TRPC4AP: variants seen among roughly 807,000 people sequenced by gnomAD.
TRPC4AP encodes the protein short transient receptor potential channel 4-associated protein.
A neutral mutation model predicts 99.0 loss-of-function variants in TRPC4AP; 45 were observed. The ratio of observed to expected loss-of-function variants is 0.45; its 90% CI spans 0.36 to 0.58. TRPC4AP has a LOEUF of 0.58. Ranked by LOEUF, TRPC4AP falls within the 20% of genes least tolerant of loss-of-function variation. TRPC4AP has a pLI of 0.00. For missense variants in TRPC4AP, 879 were observed against 985.3 expected, an observed-to-expected ratio of 0.89 and a Z score of 1.44; for synonymous variants, 408 against 385.8, an observed-to-expected ratio of 1.06 and a Z score of -0.67.
At chr20:35,073,206 T>C (rs2084370869) in intron 2 of TRPC4AP, among the ~76,000 whole-genome samples, 1 of 152,200 alleles carries the variant, frequency 6.6e-6, no homozygotes. Context: ...AAATATACAA[T>C]CATGTCATCT....
At chr20:35,027,303 G>A (rs1003140169) in intron 8 of TRPC4AP, among the ~76,000 whole-genome samples, 3 of 152,138 alleles carry the variant, frequency 2.0e-5, no homozygotes, top group African/African-American at 4.8e-5. Flanking sequence ...CTATGGAAAC[G>A]ATCATGTGGT....
At chr20:35,080,762 A>G (rs1163741669) in intron 1 of TRPC4AP, among the ~76,000 whole-genome samples, 2 of 150,566 alleles carry the variant, frequency 1.3e-5, no homozygotes, top group African/African-American at 4.9e-5. Flanking sequence ...ATAGATGCAT[A>G]ACTTTGTGCA....
chr20:35,087,511 G>A (rs543457398), intron 1 of TRPC4AP, among the ~76,000 whole-genome samples: 44 of 152,200 alleles, frequency 2.9e-4, no homozygotes, highest in African/African-American at 1.0e-3. Flanking sequence ...GGCATCCAGG[G>A]ATGGCGGGTC....
At chr20:35,030,372 A>C (rs2083158896) in intron 8 of TRPC4AP, 1 of 152,090 alleles carries the variant, frequency 6.6e-6, no homozygotes, top group Non-Finnish European at 1.5e-5. Context: ...GGGCCATGCT[A>C]ATCTCTGTAC....
chr20:35,040,044 A>G (rs1238401443), intron 7 of TRPC4AP, among the ~76,000 whole-genome samples: 3 of 151,934 alleles, frequency 2.0e-5, no homozygotes, highest in African/African-American at 7.2e-5. Context: ...AACATCCTAC[A>G]TATTTCAGCT....
intron 1 of TRPC4AP, among the ~76,000 whole-genome samples, chr20:35,090,267 A>T (rs2085017135): frequency 6.6e-6 from 1 of 150,850 alleles, no homozygotes; most frequent in African/African-American, 2.4e-5. Context: ...GGGGGTCTCT[A>T]CTTCAACTTC....
intron 13 of TRPC4AP, among the ~76,000 whole-genome samples, chr20:35,008,268 T>A (rs1171039680): frequency 1.3e-5 from 2 of 152,190 alleles, no homozygotes; most frequent in Non-Finnish European, 2.9e-5. Context: ...TCTCCCTGTA[T>A]TCACCCAGCC....
At chr20:35,027,317 T>C (rs566118809) in intron 8 of TRPC4AP, among the ~76,000 whole-genome samples, 25 of 152,376 alleles carry the variant, frequency 1.6e-4, no homozygotes, top group African/African-American at 5.3e-4. Context: ...ATGTGGTTTT[T>C]GTCCTTTATT....
At chr20:35,061,647 C>A (rs1450431973) in intron 3 of TRPC4AP, among the ~76,000 whole-genome samples, 1 of 152,174 alleles carries the variant, frequency 6.6e-6, no homozygotes, top group African/African-American at 2.4e-5. Flanking sequence ...GCTGTGACAA[C>A]TGGATAGTCA....
intron 9 of TRPC4AP, among the ~76,000 whole-genome samples, chr20:35,020,225 C>T (rs751107315): frequency 2.6e-5 from 4 of 152,172 alleles, no homozygotes; most frequent in Non-Finnish European, 4.4e-5. Context: ...CCCTAATGGT[C>T]GCCCTATTCC....
At chr20:35,076,996 T>C (rs372782663) in intron 2 of TRPC4AP, among the ~76,000 whole-genome samples, 40 of 152,270 alleles carry the variant, frequency 2.6e-4, no homozygotes, top group Admixed American at 9.8e-4. Flanking sequence ...GCTGCCACCT[T>C]GCAGTTTGAT....
At chr20:35,025,162 C>A (rs1201000992) in intron 8 of TRPC4AP, among the ~76,000 whole-genome samples, 4 of 152,076 alleles carry the variant, frequency 2.6e-5, no homozygotes, top group Admixed American at 1.3e-4. Flanking sequence ...TTGATGATAA[C>A]CATTCTAGTG....
Position 35,002,540 on chromosome 20 carries a change from C to T in TRPC4AP, c.*606G>A. On this transcript the variant is annotated 3_prime_UTR_variant, in exon 19 of 19. Coordinates refer to ENST00000252015, the MANE Select transcript of TRPC4AP (RefSeq NM_015638.3). ...GCCTCAGGCAGAGGCAGGGCAGGCA[C>T]AGCTGCCCCGTGCCCCAAGGGATGG... 1 of 235,394 alleles carries T rather than the reference C, an allele frequency of 4.2e-6. No individual in the cohort carries two copies. The allele number at this position is 235,394 out of a possible 1,614,324, so 14.6% of individuals were successfully genotyped here.
intron 1 of TRPC4AP, among the ~76,000 whole-genome samples, chr20:35,084,490 A>C (rs6119568): frequency 0.57 from 80,666 of 142,686 alleles, 22,851 homozygotes; most frequent in Admixed American, 0.7. Flanking sequence ...GTATATATGT[A>C]TATATCTATA....
chr20:35,068,065 T>C (rs1250826335), intron 3 of TRPC4AP, among the ~76,000 whole-genome samples: 1 of 152,212 alleles, frequency 6.6e-6, no homozygotes. Context: ...ATATCACTTT[T>C]CTCATAACTG....
intron 3 of TRPC4AP, among the ~76,000 whole-genome samples, chr20:35,058,687 C>CTTTTTT (rs71196781): frequency 1.5e-4 from 17 of 110,358 alleles, no homozygotes; most frequent in African/African-American, 5.0e-4. Context: ...AAAGAAAATT[C>CTTTTTT]TTTTTTTTTT....
At chr20:35,075,486 G>A (rs2084451585) in intron 2 of TRPC4AP, among the ~76,000 whole-genome samples, 1 of 152,160 alleles carries the variant, frequency 6.6e-6, no homozygotes, top group Non-Finnish European at 1.5e-5. Context: ...TTGCTTGTCT[G>A]TAAAGGATTT....
chr20:35,084,672 GTATATA>G lies in TRPC4AP; in HGVS notation c.169-6504_169-6499del, dbSNP rs553089501. ...TGTTTATATGCATATATGTGTATAT[GTATATA>G]TGTTTATATGCATATATGTGTATAT... is the stretch of plus-strand genomic sequence containing the variant. On this transcript the variant is annotated intron_variant, in intron 1 of 18. Coordinates refer to ENST00000252015, the MANE Select transcript of TRPC4AP (RefSeq NM_015638.3). Among the ~76,000 whole-genome samples, 11 of 127,004 alleles carry G rather than the reference GTATATA, an allele frequency of 8.7e-5. 1 individual carries two copies. The highest frequency in any genetic ancestry group is 4.0e-3 in the Middle Eastern group (1 of 248). The allele number at this position is 127,004 out of a possible 152,430, so 83.3% of individuals were successfully genotyped here.
chr20:35,004,078 G>C (rs1449630469), intron 17 of TRPC4AP, among the ~76,000 whole-genome samples: 1 of 152,180 alleles, frequency 6.6e-6, no homozygotes, highest in Non-Finnish European at 1.5e-5. Flanking sequence ...GAGGTGCTAA[G>C]ATCACCCTCA....
Sources: gnomAD v4.1 joint callset for allele counts (sites outside exome capture counted in the v4.1 genomes callset) on GRCh38, gnomAD v4.1.1 for gene constraint, MANE v1.5 for transcripts, NCBI Gene and HGNC (gene_info 2026-07-23, HGNC 2026-07-21) for gene names.